Variants in NDUFAF2 observed in about 807,000 individuals in gnomAD.
NDUFAF2 encodes NADH:ubiquinone oxidoreductase complex assembly factor 2.
In NDUFAF2, 13 loss-of-function variants were observed where a neutral mutation model predicts 22.8. The observed-to-expected ratio is 0.57, with a 90% confidence interval of 0.37 to 0.91. The LOEUF is 0.91. Ranked by LOEUF, NDUFAF2 falls within the 40% of genes least tolerant of loss-of-function variation. NDUFAF2 has a pLI of 0.01. For synonymous variants in NDUFAF2, 53 were observed against 64.2 expected (o/e 0.83, Z 0.84); for missense variants, 162 against 195.2 (o/e 0.83, Z 1.01).
intron 1 of NDUFAF2, among the ~76,000 whole-genome samples, chr5:61,013,417 A>G (rs1751466244): frequency 6.6e-6 from 1 of 152,090 alleles, no homozygotes; most frequent in Non-Finnish European, 1.5e-5. Context: ...AACTCTCTTA[A>G]GGTATTTTAA....
chr5:61,090,725 G>A (rs1017170539), intron 2 of NDUFAF2, among the ~76,000 whole-genome samples: 2 of 152,022 alleles, frequency 1.3e-5, no homozygotes, highest in Non-Finnish European at 2.9e-5. Flanking sequence ...ACATATGCAG[G>A]TTTGTTACAT....
At chr5:61,087,556 A>G (rs1752518610) in intron 2 of NDUFAF2, among the ~76,000 whole-genome samples, 1 of 152,202 alleles carries the variant, frequency 6.6e-6, no homozygotes, top group Non-Finnish European at 1.5e-5. Context: ...ATTTCTGACT[A>G]GAGTGTAAAA....
intron 1 of NDUFAF2, among the ~76,000 whole-genome samples, chr5:60,987,515 A>G (rs1298853230): frequency 6.6e-6 from 1 of 152,218 alleles, no homozygotes; most frequent in African/African-American, 2.4e-5. Context: ...TTTCATGAAC[A>G]TAAATGCAAA....
At chr5:60,953,066 G>A (rs1393258959) in intron 1 of NDUFAF2, among the ~76,000 whole-genome samples, 1 of 151,976 alleles carries the variant, frequency 6.6e-6, no homozygotes, top group South Asian at 2.1e-4. Context: ...AAGAAATAAT[G>A]GCCAAAAATA....
chr5:60,960,896 G>A (rs1055358723), intron 1 of NDUFAF2, among the ~76,000 whole-genome samples: 2 of 151,990 alleles, frequency 1.3e-5, no homozygotes, highest in Non-Finnish European at 2.9e-5. Context: ...CTGAATAAAT[G>A]ACAGAAAATT....
At chr5:61,136,161 A>G (rs1289574535) in intron 3 of NDUFAF2, among the ~76,000 whole-genome samples, 1 of 149,640 alleles carries the variant, frequency 6.7e-6, no homozygotes, top group African/African-American at 2.5e-5. Context: ...TTATGTTGTC[A>G]TTTGCTATTT....
intron 3 of NDUFAF2, among the ~76,000 whole-genome samples, chr5:61,104,928 G>T (rs1752744396): frequency 6.6e-6 from 1 of 152,100 alleles, no homozygotes; most frequent in African/African-American, 2.4e-5. Flanking sequence ...AAGAGAATTG[G>T]CTACAATTTT....
intron 3 of NDUFAF2, among the ~76,000 whole-genome samples, chr5:61,107,909 A>T (rs1752788621): frequency 6.8e-6 from 1 of 147,158 alleles, no homozygotes; most frequent in Non-Finnish European, 1.5e-5. Flanking sequence ...GAGTGAGAAG[A>T]TGCGGTGTTT....
At chr5:61,034,818 TA>T (rs910654005) in intron 1 of NDUFAF2, among the ~76,000 whole-genome samples, 6 of 152,106 alleles carry the variant, frequency 3.9e-5, no homozygotes, top group African/African-American at 1.4e-4. Context: ...ATGAGATATG[TA>T]AAAGTCTCAA....
chr5:61,101,314 C>T (rs1034863056), intron 3 of NDUFAF2, among the ~76,000 whole-genome samples: 3 of 152,066 alleles, frequency 2.0e-5, no homozygotes, highest in African/African-American at 7.2e-5. Context: ...CAAAAGAAAA[C>T]CTTAAGCCAA....
intron 1 of NDUFAF2, among the ~76,000 whole-genome samples, chr5:61,038,445 A>G (rs1416183222): frequency 1.3e-5 from 2 of 152,178 alleles, no homozygotes; most frequent in Non-Finnish European, 2.9e-5. Context: ...GCCAGCTCAA[A>G]CTGTACTCAT....
intron 1 of NDUFAF2, among the ~76,000 whole-genome samples, chr5:60,962,480 A>G (rs955786272): frequency 6.6e-6 from 1 of 152,212 alleles, no homozygotes; most frequent in Non-Finnish European, 1.5e-5. Flanking sequence ...CATAGACTTC[A>G]TGAAACTTTA....
At chr5:60,994,431 C>T (rs1445969578) in intron 1 of NDUFAF2, among the ~76,000 whole-genome samples, 1 of 152,202 alleles carries the variant, frequency 6.6e-6, no homozygotes, top group African/African-American at 2.4e-5. Context: ...AACTCCCGCT[C>T]CACCAACGTG....
intron 2 of NDUFAF2, among the ~76,000 whole-genome samples, chr5:61,093,001 C>G (rs1236892881): frequency 6.6e-6 from 1 of 152,172 alleles, no homozygotes; most frequent in Non-Finnish European, 1.5e-5. Context: ...CTTCAATCTG[C>G]AGCTGAAGGC....
At chr5:61,076,031 G>A (rs531653925) in intron 2 of NDUFAF2, among the ~76,000 whole-genome samples, 1 of 152,150 alleles carries the variant, frequency 6.6e-6, no homozygotes, top group South Asian at 2.1e-4. Flanking sequence ...AGAAAATAAA[G>A]CAGGGAAAGG....
intron 3 of NDUFAF2, among the ~76,000 whole-genome samples, chr5:61,105,668 A>G (rs1752754955): frequency 6.6e-6 from 1 of 150,632 alleles, no homozygotes; most frequent in African/African-American, 2.5e-5. Context: ...ATGTCATACA[A>G]TATACCATTT....
chr5:60,982,130 G>T lies in NDUFAF2; in HGVS notation c.127+36748G>T, dbSNP rs79280231. ...GAAAAGCTTGTGTGTGACAACAAAA[G>T]AAGGCACACAAACAGCAAAGAAGTA... On this transcript the variant is annotated intron_variant, in intron 1 of 3. Transcript: ENST00000296597. 5.6e-3 allele frequency among the ~76,000 whole-genome samples: 859 copies of T among 152,226 alleles called. 9 individuals are homozygous for T. Among genetic ancestry groups the T allele is most frequent in the African/African-American group, 0.02 (831 of 41,554 alleles).
intron 3 of NDUFAF2, among the ~76,000 whole-genome samples, chr5:61,121,820 CTTTTCTTTTCT>C (rs1435524424): frequency 3.4e-5 from 5 of 148,034 alleles, no homozygotes; most frequent in Admixed American, 1.4e-4. Context: ...CTTTTCTTTC[CTTTTCTTTTCT>C]TTTTTTTTTC....
intron 1 of NDUFAF2, among the ~76,000 whole-genome samples, chr5:61,055,062 C>T (rs985845601): frequency 1.3e-5 from 2 of 152,106 alleles, no homozygotes; most frequent in African/African-American, 4.8e-5. Context: ...TTAAATTTCA[C>T]AAGACAAGGA....
Sources: allele counts gnomAD v4.1 joint callset (sites outside exome capture counted in the v4.1 genomes callset), GRCh38; gene constraint gnomAD v4.1.1; transcripts MANE v1.5; gene names NCBI Gene and HGNC (gene_info 2026-07-23, HGNC 2026-07-21).